Variants in MCU observed in about 807,000 individuals in gnomAD.
MCU encodes the protein calcium uniporter protein, mitochondrial.
A neutral mutation model predicts 45.2 loss-of-function variants in MCU; 12 were observed. The observed-to-expected ratio is 0.27, with a 90% confidence interval of 0.17 to 0.43. The LOEUF (loss-of-function observed/expected upper bound fraction) is 0.43. Ranked by LOEUF, MCU falls within the 20% of genes least tolerant of loss-of-function variation. The pLI is 1.00. For missense variants in MCU, 324 were observed against 436.7 expected, an observed-to-expected ratio of 0.74 and a Z score of 2.30; for synonymous variants, 160 against 165.1, an observed-to-expected ratio of 0.97 and a Z score of 0.24.
rs560246891 is a variant in MCU, at chr10:72,697,536, C to T, written c.150+5235C>T. Among the ~76,000 whole-genome samples, 55 of 144,462 alleles carry T rather than the reference C, an allele frequency of 3.8e-4. 1 individual carries two copies. The South Asian group carries it at 8.8e-3, about 23-fold the overall frequency. 94.8% of individuals were successfully genotyped at this position (144,462 alleles called of 152,430 possible). A position where few individuals can be genotyped will look rare whatever the true frequency, so the allele number is the denominator to read the frequency against. The stretch of plus-strand genomic sequence containing the variant: ...GCAACCTCCGTCTCCCTGGTTCAAG[C>T]GATTCTCCTGCCTCAGCCTCCCAAG... On this transcript the variant is annotated intron_variant, in intron 1 of 7. Coordinates refer to ENST00000373053, the MANE Select transcript of MCU (RefSeq NM_138357.3).
At chr10:72,813,753 C>T (rs1471940979) in intron 1 of MCU, among the ~76,000 whole-genome samples, 1 of 152,042 alleles carries the variant, frequency 6.6e-6, no homozygotes, top group Non-Finnish European at 1.5e-5. Flanking sequence ...GCCCCTGCGC[C>T]CAGCAAATAC....
At chr10:72,804,026 A>ATG (rs2132786619) in intron 1 of MCU, among the ~76,000 whole-genome samples, 1 of 18,724 alleles carries the variant, frequency 5.3e-5, no homozygotes, top group South Asian at 1.2e-3. Context: ...AAATATATAT[A>ATG]TATATATATA....
At chr10:72,855,065 A>T (rs940741877) in intron 2 of MCU, among the ~76,000 whole-genome samples, 1 of 152,066 alleles carries the variant, frequency 6.6e-6, no homozygotes, top group South Asian at 2.1e-4. Flanking sequence ...AACATAGTGA[A>T]ACCCTGTCTC....
intron 1 of MCU, among the ~76,000 whole-genome samples, chr10:72,803,752 A>T (rs1844376980): frequency 6.6e-6 from 1 of 151,658 alleles, no homozygotes; most frequent in South Asian, 2.1e-4. Context: ...AAAATACTGG[A>T]TTGTTTTATG....
chr10:72,823,797 C>T (rs543455993), intron 1 of MCU, among the ~76,000 whole-genome samples: 6 of 152,276 alleles, frequency 3.9e-5, no homozygotes, highest in Admixed American at 6.5e-5. Context: ...CAGTGCCTCA[C>T]GGCTGTAATC....
At chr10:72,713,987 GTT>G (rs1321873179) in intron 1 of MCU, among the ~76,000 whole-genome samples, 1 of 140,944 alleles carries the variant, frequency 7.1e-6, no homozygotes, top group East Asian at 2.2e-4. Flanking sequence ...GTGTGTGTGT[GTT>G]GGAGTCTCGC....
chr10:72,769,883 T>C (rs896255069), intron 1 of MCU, among the ~76,000 whole-genome samples: 5 of 152,168 alleles, frequency 3.3e-5, no homozygotes, highest in African/African-American at 1.2e-4. Flanking sequence ...TGGTGTTAGG[T>C]CGGTGTTTTG....
chr10:72,839,320 T>C (rs1023246854), intron 2 of MCU, among the ~76,000 whole-genome samples: 11 of 152,068 alleles, frequency 7.2e-5, no homozygotes, highest in Admixed American at 3.9e-4. Flanking sequence ...CGCTTGCTTG[T>C]TTGTCAGTTG....
chr10:72,701,160 G>T (rs1842754328), intron 1 of MCU, among the ~76,000 whole-genome samples: 1 of 152,204 alleles, frequency 6.6e-6, no homozygotes, highest in Non-Finnish European at 1.5e-5. Flanking sequence ...TAAATTGTCA[G>T]ATAATAAGAG....
chr10:72,778,499 A>G (rs1432575792), intron 1 of MCU, among the ~76,000 whole-genome samples: 2 of 152,048 alleles, frequency 1.3e-5, no homozygotes, highest in Admixed American at 1.3e-4. Context: ...AGAGTGTAGA[A>G]TGGTAGTTAC....
intron 1 of MCU, among the ~76,000 whole-genome samples, chr10:72,725,078 C>T (rs1206715884): frequency 1.8e-5 from 2 of 109,736 alleles, no homozygotes; most frequent in East Asian, 3.9e-4. Context: ...ATCCTCCCAC[C>T]TCAGCCTCTT....
At chr10:72,706,685 C>T (rs149451480) in intron 1 of MCU, among the ~76,000 whole-genome samples, 16 of 146,918 alleles carry the variant, frequency 1.1e-4, no homozygotes, top group African/African-American at 4.0e-4. Context: ...TACAGGCGTG[C>T]GCCACCACAT....
At chr10:72,859,094 C>T in intron 2 of MCU, 83 bp from the exon 3 acceptor site, 1 of 1,258,296 alleles carries the variant, frequency 7.9e-7, no homozygotes, top group Non-Finnish European at 1.1e-6. Flanking sequence ...TAATAATAGA[C>T]CCCCATGCAA....
chr10:72,847,676 A>C (rs780387211), intron 2 of MCU, among the ~76,000 whole-genome samples: 1 of 152,212 alleles, frequency 6.6e-6, no homozygotes, highest in Non-Finnish European at 1.5e-5. Flanking sequence ...AAATTACAAC[A>C]AAGGGGCATA....
intron 1 of MCU, among the ~76,000 whole-genome samples, chr10:72,782,946 C>G (rs1304996298): frequency 6.6e-6 from 1 of 152,170 alleles, no homozygotes; most frequent in Admixed American, 6.5e-5. Context: ...TAAGGCAAAC[C>G]TGAGCAATTT....
chr10:72,693,267 A>G (rs1428408913), intron 1 of MCU, among the ~76,000 whole-genome samples: 2 of 151,996 alleles, frequency 1.3e-5, no homozygotes, highest in Non-Finnish European at 2.9e-5. Flanking sequence ...TTTGGCATGG[A>G]GTTCTTAACC....
intron 1 of MCU, among the ~76,000 whole-genome samples, chr10:72,814,256 A>C (rs1844591509): frequency 6.6e-6 from 1 of 152,254 alleles, no homozygotes. Context: ...GGCATTCTGC[A>C]ACTGCCTTTA....
At chr10:72,824,164 A>G (rs1844756916) in intron 1 of MCU, among the ~76,000 whole-genome samples, 1 of 151,806 alleles carries the variant, frequency 6.6e-6, no homozygotes, top group African/African-American at 2.4e-5. Context: ...GGAATGAAGG[A>G]ATCTTACTAG....
intron 1 of MCU, among the ~76,000 whole-genome samples, chr10:72,713,316 G>A (rs565499705): frequency 6.6e-6 from 1 of 151,250 alleles, no homozygotes; most frequent in African/African-American, 2.4e-5. Context: ...TCTCACTCTT[G>A]TTCTCTAGGC....
Sources: gnomAD v4.1 joint callset for allele counts (sites outside exome capture counted in the v4.1 genomes callset) on GRCh38, gnomAD v4.1.1 for gene constraint, MANE v1.5 for transcripts, NCBI Gene and HGNC (gene_info 2026-07-23, HGNC 2026-07-21) for gene names.